KPNA7: variants seen among roughly 807,000 people sequenced by gnomAD.
KPNA7 encodes karyopherin subunit alpha 7, also known as importin subunit alpha-8.
Under a neutral mutation model 53.7 loss-of-function variants are expected in KPNA7, and 54 were observed. The observed-to-expected ratio is 1.01, with a 90% CI of 0.81 to 1.26. The LOEUF is 1.26. KPNA7 is among the 50% of genes most tolerant of loss of function. The pLI is 0.00. For synonymous variants in KPNA7, 276 were observed against 259.3 expected (o/e 1.06, Z -0.62); for missense variants, 640 against 644.5 (o/e 0.99, Z 0.07).
At chr7:99,157,599 A>G in the KPNA7 span, among the ~76,000 whole-genome samples, 3 of 152,138 alleles carry the variant, frequency 2.0e-5, no homozygotes, top group African/African-American at 7.2e-5. Context: ...TCTTCTATAC[A>G]TCTGTGTATT....
chr7:99,161,255 CTCTCTCTCTCTCT>C, the KPNA7 span, among the ~76,000 whole-genome samples: 422 of 37,282 alleles, frequency 0.011, 4 homozygotes, highest in African/African-American at 0.028. Context: ...CTCTCTCTCT[CTCTCTCTCTCTCT>C]CTGATCACTT....
At chr7:99,213,118 T>C (rs192987511) in intron 1 of KPNA7, among the ~76,000 whole-genome samples, 7 of 149,374 alleles carry the variant, frequency 4.7e-5, no homozygotes, top group Admixed American at 1.4e-4. Flanking sequence ...TAAGGAGCAA[T>C]GGCCAAAAGG....
chr7:99,163,377 ATATATATTTTTT>A, the KPNA7 span, among the ~76,000 whole-genome samples: 5 of 62,378 alleles, frequency 8.0e-5, no homozygotes, highest in East Asian at 1.7e-3. Context: ...ATATATATAT[ATATATATTTTTT>A]TTTTTTTTTT....
intron 1 of KPNA7, among the ~76,000 whole-genome samples, chr7:99,215,369 C>CCAA (rs1554473227): frequency 9.6e-5 from 5 of 52,070 alleles, no homozygotes; most frequent in Non-Finnish European, 1.0e-4. Flanking sequence ...GAGACTGTCT[C>CCAA]AAAAAAAAAA....
At chr7:99,184,885 T>C (rs10245912) in intron 8 of KPNA7, 44 bp downstream of exon 8, 115,293 of 1,491,368 alleles carry the variant, frequency 0.077, 4,969 homozygotes, top group African/African-American at 0.16. Context: ...CCCAGGGCTA[T>C]TGGAAAGTAG....
the KPNA7 span, among the ~76,000 whole-genome samples, chr7:99,167,303 G>A: frequency 8.2e-3 from 1,248 of 152,264 alleles, 12 homozygotes; most frequent in Non-Finnish European, 0.012. Flanking sequence ...CTAATCCCTA[G>A]ACCAGTCCGT....
the KPNA7 span, among the ~76,000 whole-genome samples, chr7:99,155,862 G>T: frequency 6.6e-6 from 1 of 152,038 alleles, no homozygotes; most frequent in African/African-American, 2.4e-5. Context: ...ACTGTGCCCA[G>T]CTCAGATTTA....
intron 1 of KPNA7, among the ~76,000 whole-genome samples, chr7:99,217,430 A>G (rs1469229256): frequency 2.6e-5 from 4 of 152,120 alleles, no homozygotes; most frequent in Admixed American, 2.0e-4. Flanking sequence ...TAGCGAGTCA[A>G]TGAGACTTAT....
At chr7:99,180,555 CTCTGTCTCTG>C (rs148636864) in intron 9 of KPNA7, among the ~76,000 whole-genome samples, 7 of 141,538 alleles carry the variant, frequency 4.9e-5, no homozygotes, top group South Asian at 2.4e-4. Context: ...CTCCGTCTGT[CTCTGTCTCTG>C]TCCATCTGTC....
chr7:99,212,095 T>TCGAGG (rs1252312654), upstream of KPNA7, among the ~76,000 whole-genome samples: 3 of 151,996 alleles, frequency 2.0e-5, no homozygotes, highest in African/African-American at 4.8e-5. Context: ...TCAATACAAC[T>TCGAGG]TCAAGCTCGA....
chr7:99,180,319 T>C (rs956530273), intron 9 of KPNA7, among the ~76,000 whole-genome samples: 5 of 152,052 alleles, frequency 3.3e-5, no homozygotes, highest in Non-Finnish European at 7.4e-5. Context: ...CTGGGCAATA[T>C]AGCAAGACCC....
chr7:99,180,106 A>G (rs1799101499), intron 9 of KPNA7, among the ~76,000 whole-genome samples: 1 of 152,170 alleles, frequency 6.6e-6, no homozygotes, highest in Admixed American at 6.6e-5. Context: ...CCCCTTACTC[A>G]TAGGAAGCCA....
At chr7:99,203,611 T>C (rs1790657211) in intron 2 of KPNA7, among the ~76,000 whole-genome samples, 3 of 152,008 alleles carry the variant, frequency 2.0e-5, no homozygotes, top group Non-Finnish European at 4.4e-5. Context: ...TACCCAGGCC[T>C]TTTCGGTGGT....
chr7:99,173,463 G>C (rs1798808657), downstream of KPNA7: 1 of 321,182 alleles, frequency 3.1e-6, no homozygotes, highest in African/African-American at 2.2e-5. Flanking sequence ...AAAGTGCTGG[G>C]ATTACAGGTG....
At chr7:99,208,949 C>T (rs553788022), upstream of KPNA7, among the ~76,000 whole-genome samples, 66 of 152,168 alleles carry the variant, frequency 4.3e-4, no homozygotes, top group South Asian at 0.012. Flanking sequence ...GCCAGGAGTT[C>T]GAGATCAGCC....
the KPNA7 span, among the ~76,000 whole-genome samples, chr7:99,148,256 T>C: frequency 6.6e-6 from 1 of 152,220 alleles, no homozygotes; most frequent in Non-Finnish European, 1.5e-5. Context: ...CTCTTTGCAA[T>C]GGCTTTACAC....
At chr7:99,175,901 T>G (rs1222601924) in intron 10 of KPNA7, among the ~76,000 whole-genome samples, 1 of 152,124 alleles carries the variant, frequency 6.6e-6, no homozygotes, top group Non-Finnish European at 1.5e-5. Context: ...GTCCTTTATT[T>G]TGCTGGTAAG....
At chr7:99,195,361 G>GGGGA (rs757927862) in intron 4 of KPNA7, 23 bp from the exon 5 acceptor site, 12 of 1,546,806 alleles carry the variant, frequency 7.8e-6, no homozygotes, top group Middle Eastern at 1.7e-4. Flanking sequence ...AGAGAGGGCA[G>GGGGA]GGGAGGGGGA....
At chr7:99,191,478 T>C (rs1400134441) in intron 6 of KPNA7, among the ~76,000 whole-genome samples, 1 of 152,158 alleles carries the variant, frequency 6.6e-6, no homozygotes, top group Non-Finnish European at 1.5e-5. Context: ...AGAAGGGCCT[T>C]TCTGAAAGAT....
Sources: gnomAD v4.1 joint callset for allele counts (sites outside exome capture counted in the v4.1 genomes callset) on GRCh38, gnomAD v4.1.1 for gene constraint, MANE v1.5 for transcripts, NCBI Gene and HGNC (gene_info 2026-07-23, HGNC 2026-07-21) for gene names.